The following CCSER1 variants were observed in gnomAD, a reference collection of about 807,000 sequenced individuals.
The protein encoded by CCSER1 is serine-rich coiled-coil domain-containing protein 1.
A neutral mutation model predicts 82.0 loss-of-function variants in CCSER1; 41 were observed. The ratio of observed to expected loss-of-function variants is 0.50; its 90% confidence interval spans 0.39 to 0.65. The LOEUF is 0.65. CCSER1 is among the 30% of genes least tolerant of loss of function. CCSER1 has a pLI of 0.00. For synonymous variants in CCSER1, 414 were observed against 383.9 expected (o/e 1.08, Z -0.92); for missense variants, 1,119 against 1,064.2 (o/e 1.05, Z -0.72).
At chr4:90,153,866 T>G (rs527465903) in intron 1 of CCSER1, among the ~76,000 whole-genome samples, 214 of 152,320 alleles carry the variant, frequency 1.4e-3, no homozygotes, top group African/African-American at 4.9e-3. Flanking sequence ...TCTTTTGCTG[T>G]GCAGAAGCTC....
rs1561384834 is a variant in CCSER1 at position 90,932,970 on chromosome 4, GAAAGAAAGAAAGAGAAAGAA to G, written c.2172+9525_2172+9544del. Among the ~76,000 whole-genome samples the G allele has an allele frequency of 1.3e-3, 41 of 31,922 alleles. 1 individual carries two copies. Among genetic ancestry groups the G allele is most frequent in the Middle Eastern group, 8.5e-3 (1 of 118 alleles). The allele number at this position is 31,922 out of a possible 152,430, so 20.9% of individuals were successfully genotyped here. A position where few individuals can be genotyped will look rare whatever the true frequency, so the allele number is the denominator to read the frequency against. ...AGAAAGAAAGAAAGAAAGAAAGAAA[GAAAGAAAGAAAGAGAAAGAA>G]AGAAAGAAAGAAAGAAAGAAAGAAA... On this transcript the variant is annotated intron_variant, in intron 9 of 10. Transcript: ENST00000509176.
At chr4:91,079,866 A>T (rs1262395246) in intron 9 of CCSER1, among the ~76,000 whole-genome samples, 3 of 152,154 alleles carry the variant, frequency 2.0e-5, no homozygotes, top group Admixed American at 2.0e-4. Flanking sequence ...AAAAGAGCTA[A>T]CTATTCTAAA....
chr4:90,780,987 G>A (rs992663896), intron 7 of CCSER1: 21 of 202,760 alleles, frequency 1.0e-4, no homozygotes, highest in Admixed American at 5.2e-4. Context: ...CAATCGTGGC[G>A]GAAGGCAAAG....
At chr4:90,799,100 G>A (rs1756434489) in intron 7 of CCSER1, among the ~76,000 whole-genome samples, 1 of 152,160 alleles carries the variant, frequency 6.6e-6, no homozygotes, top group Non-Finnish European at 1.5e-5. Context: ...CGGTGAGGGG[G>A]GTCTCTGTTG....
At chr4:90,958,107 T>A (rs1733707608) in intron 9 of CCSER1, among the ~76,000 whole-genome samples, 1 of 152,166 alleles carries the variant, frequency 6.6e-6, no homozygotes, top group African/African-American at 2.4e-5. Context: ...TTTGAAAATT[T>A]ATTTATGGGA....
At chr4:90,871,668 C>T (rs1766515282) in intron 8 of CCSER1, among the ~76,000 whole-genome samples, 1 of 151,922 alleles carries the variant, frequency 6.6e-6, no homozygotes, top group African/African-American at 2.4e-5. Context: ...CTGTGAACAT[C>T]TATTAGGCCC....
At chr4:90,242,588 T>C (rs1217190721) in intron 1 of CCSER1, among the ~76,000 whole-genome samples, 1 of 152,232 alleles carries the variant, frequency 6.6e-6, no homozygotes, top group Non-Finnish European at 1.5e-5. Context: ...TGTAGTAAGC[T>C]ATCAGTTAGC....
chr4:90,302,090 A>G (rs1286653603), intron 1 of CCSER1, among the ~76,000 whole-genome samples: 2 of 152,322 alleles, frequency 1.3e-5, no homozygotes, highest in East Asian at 3.9e-4. Context: ...CATGGCAGTG[A>G]GACAGAAAAT....
intron 5 of CCSER1, among the ~76,000 whole-genome samples, chr4:90,553,441 A>G (rs924275190): frequency 1.3e-5 from 2 of 152,188 alleles, no homozygotes; most frequent in African/African-American, 4.8e-5. Context: ...AAACTGATAA[A>G]TTACTTAATA....
rs564288276 is a variant in CCSER1 at position 91,078,143 on chromosome 4, C to G, written c.2173-7807C>G. Among the ~76,000 whole-genome samples the G allele has an allele frequency of 9.8e-5, 15 of 152,338 alleles. No individual in the cohort carries two copies. In the South Asian group the frequency reaches 2.9e-3, roughly 29 times the overall value. On this transcript the variant is annotated intron_variant, in intron 9 of 10. Transcript: ENST00000509176. ...GATCTGAGAACAGACAGACTGCCTC[C>G]TCAAGCAGGTTCCTGACCCCTGAGT... is the stretch of plus-strand genomic sequence containing the variant.
intron 2 of CCSER1, 111 bp downstream of exon 2, chr4:90,309,719 C>G: frequency 1.2e-6 from 1 of 812,552 alleles, no homozygotes; most frequent in East Asian, 2.8e-5. Context: ...TTGTTTTTCA[C>G]TTTCGAAATG....
At chr4:90,913,175 A>G (rs1726705592) in intron 8 of CCSER1, among the ~76,000 whole-genome samples, 1 of 152,130 alleles carries the variant, frequency 6.6e-6, no homozygotes, top group Non-Finnish European at 1.5e-5. Flanking sequence ...CTACTCCAAG[A>G]CACGTAGTTG....
At chr4:90,842,407 AGGAAAGTAGTG>A (rs926225851) in intron 8 of CCSER1, among the ~76,000 whole-genome samples, 2 of 152,320 alleles carry the variant, frequency 1.3e-5, no homozygotes, top group East Asian at 1.9e-4. Context: ...GAGAGTAAAT[AGGAAAGTAGTG>A]GGAATGTAGA....
chr4:90,883,270 A>T (rs1053974736), intron 8 of CCSER1, among the ~76,000 whole-genome samples: 3 of 152,104 alleles, frequency 2.0e-5, no homozygotes, highest in Non-Finnish European at 4.4e-5. Context: ...CCTAGTAGAG[A>T]TGATGTTATC....
chr4:91,516,760 A>G (rs777133403), intron 10 of CCSER1, among the ~76,000 whole-genome samples: 2 of 152,166 alleles, frequency 1.3e-5, no homozygotes, highest in African/African-American at 2.4e-5. Context: ...TGGTAGTTTG[A>G]TAAGTGTAGC....
In CCSER1 at chr4:91,599,095, A is replaced by T. The variant is rs931177623; in HGVS notation, c.*38A>T. The T allele has an allele frequency of 6.7e-7, 1 of 1,484,188 alleles. No individual in the cohort carries two copies. Among genetic ancestry groups the T allele is most frequent in the African/African-American group, 1.4e-5 (1 of 70,864 alleles). The allele number at this position is 1,484,188 out of a possible 1,614,324, so 91.9% of individuals were successfully genotyped here. A position where few individuals can be genotyped will look rare whatever the true frequency, so the allele number is the denominator to read the frequency against. On this transcript the variant is annotated 3_prime_UTR_variant, in exon 11 of 11. Transcript: ENST00000509176. ...ATTCCTGTCTTTGGGTAGGATAAAG[A>T]TGGTTAGTGTTTCTCGTGCATAGTT... is the stretch of plus-strand genomic sequence containing the variant.
chr4:90,842,922 A>G lies in CCSER1; in HGVS notation c.2094+27077A>G, dbSNP rs1306229192. ...TCATGTTTGTAGTCAATACTCAAAAAACATGTGTGAGGAGGCTTTTGCTTG... is the reference window on the plus strand; with the variant it reads ...TCATGTTTGTAGTCAATACTCAAAAGACATGTGTGAGGAGGCTTTTGCTTG... On this transcript the variant is annotated intron_variant, in intron 8 of 10. Transcript: ENST00000509176. Among the ~76,000 whole-genome samples, 2 of 152,214 alleles carry G rather than the reference A, an allele frequency of 1.3e-5. 1 individual carries two copies. The highest frequency in any genetic ancestry group is 2.9e-5 in the Non-Finnish European group (2 of 68,028).
At position 91,105,412 on chromosome 4, in the gene CCSER1, A is replaced by C. The variant is rs954735385; in HGVS notation, c.2217+19418A>C. 1.1e-4 allele frequency among the ~76,000 whole-genome samples: 16 copies of C among 151,508 alleles called. 1 individual carries two copies. The highest frequency in any genetic ancestry group is 4.2e-4 in the South Asian group (2 of 4,774). ...TCCAACCACTAACAGTAAACAAAAA[A>C]AAAAAAAAATAGGCCAGGCACAGTG... On this transcript the variant is annotated intron_variant, in intron 10 of 10. Coordinates refer to ENST00000509176, the MANE Select transcript of CCSER1 (RefSeq NM_001145065.2).
intron 10 of CCSER1, among the ~76,000 whole-genome samples, chr4:91,424,117 C>T (rs1753835816): frequency 1.4e-5 from 2 of 146,756 alleles, no homozygotes; most frequent in Non-Finnish European, 3.0e-5. Flanking sequence ...CCCGGGTTCA[C>T]GCCATTCTCC....
Sources: gnomAD v4.1 joint callset for allele counts (sites outside exome capture counted in the v4.1 genomes callset) on GRCh38, gnomAD v4.1.1 for gene constraint, MANE v1.5 for transcripts, NCBI Gene and HGNC (gene_info 2026-07-23, HGNC 2026-07-21) for gene names.